Variants in MORC1 observed in about 807,000 individuals in gnomAD.
The protein encoded by MORC1 is MORC family CW-type zinc finger 1.
In MORC1, 59 loss-of-function variants were observed where a neutral mutation model predicts 134.9. The ratio of observed to expected loss-of-function variants is 0.44; its 90% CI spans 0.35 to 0.54. MORC1 has a LOEUF of 0.54. Among genes scored for constraint, MORC1 ranks in the 20% least tolerant of loss-of-function variants. The pLI is 0.00. For missense variants in MORC1, 947 were observed against 1,134.5 expected (o/e 0.83, Z 2.37); for synonymous variants, 395 against 391.7 (o/e 1.01, Z -0.10).
At chr3:109,009,953 T>C (rs1185599142) in intron 17 of MORC1, among the ~76,000 whole-genome samples, 2 of 152,202 alleles carry the variant, frequency 1.3e-5, no homozygotes, top group African/African-American at 2.4e-5. Context: ...CTTACTGCTA[T>C]CATTCATGAT....
chr3:109,072,175 A>G (rs1261711891), intron 8 of MORC1, among the ~76,000 whole-genome samples: 1 of 152,154 alleles, frequency 6.6e-6, no homozygotes. Context: ...AAGATCCTTC[A>G]TGGTCTGACC....
chr3:109,036,398 G>T (rs765909423), intron 14 of MORC1, among the ~76,000 whole-genome samples: 4 of 152,152 alleles, frequency 2.6e-5, no homozygotes, highest in East Asian at 1.9e-4. Context: ...AGTTTTAACA[G>T]TGGATATCTT....
chr3:108,983,298 G>A (rs991392447), intron 23 of MORC1, among the ~76,000 whole-genome samples: 13 of 152,056 alleles, frequency 8.5e-5, no homozygotes, highest in Admixed American at 2.0e-4. Flanking sequence ...AGAGACACAG[G>A]GATAAGCAAG....
chr3:109,063,123 A>C, intron 10 of MORC1, 29 bp downstream of exon 10: 1 of 1,494,878 alleles, frequency 6.7e-7, no homozygotes, highest in Non-Finnish European at 9.2e-7. Context: ...ACTGAACAAC[A>C]ATGATGTAGG....
intron 2 of MORC1, among the ~76,000 whole-genome samples, chr3:109,113,785 C>T (rs72937319): frequency 0.05 from 7,610 of 152,140 alleles, 570 homozygotes; most frequent in African/African-American, 0.16. Flanking sequence ...CAGTAAAATA[C>T]GACAGTGAGG....
chr3:108,969,677 AAC>A lies in MORC1; in HGVS notation c.2594_2595del (p.Cys865PhefsTer13). 6.2e-7 allele frequency: 1 copy of A among 1,613,744 alleles called. No homozygotes were observed. The highest frequency in any genetic ancestry group is 8.5e-7 in the Non-Finnish European group (1 of 1,179,708). On this transcript the variant is annotated frameshift_variant, in exon 26 of 28. Transcript: ENST00000232603. LOFTEE classifies it high-confidence loss of function. ...PEQMNKKLKMCFNQIQNTYMV... is the reference protein window; with the variant it reads ...PEQMNKKLKMXFNQIQNTYMV... ...ACTGAAAGGAAGCTTACCTGGTTGAAACACATTTTCAGCTTTTTGTTCATCTG... is the reference window on the plus strand; with the variant it reads ...ACTGAAAGGAAGCTTACCTGGTTGAAACATTTTCAGCTTTTTGTTCATCTG...
At chr3:109,060,105 C>T (rs141762613) in intron 11 of MORC1, among the ~76,000 whole-genome samples, 322 of 152,164 alleles carry the variant, frequency 2.1e-3, no homozygotes, top group African/African-American at 7.4e-3. Flanking sequence ...ATCCTCTCTG[C>T]CTTTTAGAGA....
At chr3:108,988,181 G>C (rs1045227792) in intron 21 of MORC1, among the ~76,000 whole-genome samples, 1 of 152,072 alleles carries the variant, frequency 6.6e-6, no homozygotes, top group Non-Finnish European at 1.5e-5. Flanking sequence ...GCTCTCTCAG[G>C]AAGCAGGTTA....
chr3:109,055,988 C>G (rs1949952072), intron 13 of MORC1, among the ~76,000 whole-genome samples: 1 of 151,996 alleles, frequency 6.6e-6, no homozygotes, highest in South Asian at 2.1e-4. Context: ...ATGTTAGGGC[C>G]AGCAGTAAGA....
At chr3:109,044,618 A>G (rs150711636) in intron 14 of MORC1, among the ~76,000 whole-genome samples, 129 of 151,874 alleles carry the variant, frequency 8.5e-4, no homozygotes, top group African/African-American at 3.0e-3. Flanking sequence ...CAGTAACTAC[A>G]AGAGCAGCTG....
At chr3:109,048,199 G>A (rs1292448025) in intron 14 of MORC1, among the ~76,000 whole-genome samples, 1 of 152,172 alleles carries the variant, frequency 6.6e-6, no homozygotes, top group African/African-American at 2.4e-5. Context: ...GGGAGAGAGT[G>A]TGAGACAGCG....
intron 17 of MORC1, 118 bp from the exon 18 acceptor site, chr3:109,007,209 T>C (rs573126721): frequency 1.4e-6 from 1 of 701,490 alleles, no homozygotes; most frequent in South Asian, 2.0e-5. Context: ...CAAACCCTCA[T>C]GAATAATTGT....
intron 17 of MORC1, among the ~76,000 whole-genome samples, chr3:109,026,287 T>C (rs1188582536): frequency 1.3e-5 from 2 of 152,314 alleles, no homozygotes; most frequent in African/African-American, 4.8e-5. Context: ...AATTTCTATA[T>C]AAGTACTGCT....
chr3:109,051,213 G>A (rs1445357473), intron 14 of MORC1, among the ~76,000 whole-genome samples: 1 of 152,128 alleles, frequency 6.6e-6, no homozygotes, highest in Non-Finnish European at 1.5e-5. Flanking sequence ...ATGACACAAA[G>A]TCATTACCTC....
intron 9 of MORC1, among the ~76,000 whole-genome samples, chr3:109,068,254 G>T (rs1055086460): frequency 2.6e-5 from 4 of 152,008 alleles, no homozygotes; most frequent in African/African-American, 9.7e-5. Context: ...GTGGTGTTTG[G>T]TTACATGAGG....
chr3:109,025,379 C>CTTTTTTTTTTTTTTT (rs63701060), intron 17 of MORC1, among the ~76,000 whole-genome samples: 5 of 105,100 alleles, frequency 4.8e-5, no homozygotes, highest in Admixed American at 1.1e-4. Context: ...TTTCTTTTTT[C>CTTTTTTTTTTTTTTT]TTTTTTTTTT....
intron 8 of MORC1, among the ~76,000 whole-genome samples, chr3:109,090,694 C>T (rs9843837): frequency 0.087 from 13,145 of 150,434 alleles, 1,530 homozygotes; most frequent in African/African-American, 0.26. Flanking sequence ...TGCCAAAACA[C>T]CTCTTCCCTG....
intron 27 of MORC1, among the ~76,000 whole-genome samples, chr3:108,963,207 T>C (rs1210121009): frequency 2.7e-5 from 4 of 149,974 alleles, no homozygotes; most frequent in African/African-American, 4.9e-5. Context: ...AAAAAAAAGA[T>C]ACGAAAGAAC....
At chr3:109,067,137 G>A (rs552883386) in intron 9 of MORC1, among the ~76,000 whole-genome samples, 5 of 152,200 alleles carry the variant, frequency 3.3e-5, no homozygotes, top group Admixed American at 6.5e-5. Flanking sequence ...ACTTAAAAAG[G>A]ACCATGCGGT....
Sources: allele counts gnomAD v4.1 joint callset (sites outside exome capture counted in the v4.1 genomes callset), GRCh38; gene constraint gnomAD v4.1.1; transcripts MANE v1.5; gene names NCBI Gene and HGNC (gene_info 2026-07-23, HGNC 2026-07-21).